The following PDE1C variants were observed in gnomAD, a reference collection of about 807,000 sequenced individuals.
PDE1C encodes dual specificity calcium/calmodulin-dependent 3',5'-cyclic nucleotide phosphodiesterase 1C.
Under a neutral mutation model 93.1 loss-of-function variants are expected in PDE1C, and 62 were observed. That is an observed-to-expected ratio of 0.67 (90% CI 0.54 to 0.82). PDE1C has a LOEUF of 0.82. PDE1C is among the 40% of genes least tolerant of loss of function. The probability of loss-of-function intolerance (pLI) is 0.00; values close to 1 mark genes in which losing one functional copy is unlikely to be tolerated. For missense variants in PDE1C, 742 were observed against 884.6 expected (o/e 0.84, Z 2.04); for synonymous variants, 325 against 310.1 (o/e 1.05, Z -0.50).
chr7:32,386,106 T>C (rs1268273758), intron 1 of PDE1C, among the ~76,000 whole-genome samples: 1 of 136,044 alleles, frequency 7.4e-6, no homozygotes, highest in East Asian at 2.0e-4. Context: ...TTTTTTTTTT[T>C]TCCAGAAACA....
intron 17 of PDE1C, among the ~76,000 whole-genome samples, chr7:31,764,219 C>T (rs548174362): frequency 4.3e-4 from 65 of 152,192 alleles, no homozygotes; most frequent in African/African-American, 1.4e-4. Context: ...GGCACAATCT[C>T]GGCTCACTGC....
the PDE1C span, among the ~76,000 whole-genome samples, chr7:31,627,085 A>G: frequency 6.6e-6 from 1 of 152,212 alleles, no homozygotes; most frequent in Non-Finnish European, 1.5e-5. Flanking sequence ...AAGTACTCCT[A>G]GTGTTTTCCA....
intron 1 of PDE1C, among the ~76,000 whole-genome samples, chr7:32,251,148 A>G (rs970248846): frequency 6.6e-6 from 1 of 152,226 alleles, no homozygotes; most frequent in Non-Finnish European, 1.5e-5. Context: ...CTGTCACACT[A>G]TCCCTGTTCC....
chr7:31,979,088 T>C (rs1052937163), intron 2 of PDE1C, among the ~76,000 whole-genome samples: 1 of 152,214 alleles, frequency 6.6e-6, no homozygotes, highest in Non-Finnish European at 1.5e-5. Context: ...CATTTATGGC[T>C]GATATCATTA....
At chr7:31,724,881 G>A in the PDE1C span, among the ~76,000 whole-genome samples, 11 of 152,118 alleles carry the variant, frequency 7.2e-5, no homozygotes, top group African/African-American at 2.2e-4. Context: ...GTCTTATATC[G>A]GTGAATTAGC....
chr7:32,294,444 A>G (rs1364757590), intron 1 of PDE1C, among the ~76,000 whole-genome samples: 1 of 152,184 alleles, frequency 6.6e-6, no homozygotes, highest in African/African-American at 2.4e-5. Context: ...TCCTTCTGAC[A>G]CCATGCAGGT....
the PDE1C span, chr7:31,643,206 T>G: frequency 2.5e-6 from 4 of 1,613,974 alleles, no homozygotes; most frequent in Non-Finnish European, 3.4e-6. Flanking sequence ...TCCTTCATGT[T>G]GACTCTGAGG....
At chr7:32,225,915 G>T (rs371681532) in intron 1 of PDE1C, among the ~76,000 whole-genome samples, 18 of 152,002 alleles carry the variant, frequency 1.2e-4, no homozygotes, top group African/African-American at 4.4e-4. Flanking sequence ...AAAATTAGCC[G>T]GGCATGGTGG....
At chr7:32,407,587 A>C (rs1785081161) in intron 1 of PDE1C, among the ~76,000 whole-genome samples, 1 of 152,174 alleles carries the variant, frequency 6.6e-6, no homozygotes, top group Non-Finnish European at 1.5e-5. Flanking sequence ...AGAGGGGTAC[A>C]TGTGAGAATG....
At chr7:32,091,544 G>T (rs1188102623) in intron 3 of PDE1C, among the ~76,000 whole-genome samples, 1 of 152,126 alleles carries the variant, frequency 6.6e-6, no homozygotes, top group Non-Finnish European at 1.5e-5. Flanking sequence ...AGTCAGGAAG[G>T]GGCAACAGCC....
chr7:31,624,861 G>T, the PDE1C span, among the ~76,000 whole-genome samples: 2 of 152,084 alleles, frequency 1.3e-5, no homozygotes, highest in Non-Finnish European at 2.9e-5. Flanking sequence ...AAAAATTTTC[G>T]CAACCTATTC....
the PDE1C span, among the ~76,000 whole-genome samples, chr7:31,717,714 A>G: frequency 1.3e-5 from 2 of 152,234 alleles, no homozygotes; most frequent in East Asian, 1.9e-4. Flanking sequence ...GGAGCTAGAT[A>G]TGCCTAAGGC....
At chr7:31,771,907 G>A (rs1471803704) in intron 17 of PDE1C, among the ~76,000 whole-genome samples, 5 of 151,980 alleles carry the variant, frequency 3.3e-5, no homozygotes, top group African/African-American at 7.3e-5. Context: ...TTAGCTGGGC[G>A]TGGTGGTGGG....
intron 1 of PDE1C, among the ~76,000 whole-genome samples, chr7:32,421,000 T>C (rs1785420590): frequency 6.6e-6 from 1 of 152,034 alleles, no homozygotes; most frequent in Non-Finnish European, 1.5e-5. Context: ...AGCAAGTCAC[T>C]TGGACTCTCA....
intron 2 of PDE1C, among the ~76,000 whole-genome samples, chr7:32,200,555 A>T (rs758095029): frequency 2.0e-5 from 3 of 152,220 alleles, no homozygotes; most frequent in Non-Finnish European, 4.4e-5. Context: ...GTAACAGATC[A>T]CACCAAACTT....
chr7:31,946,252 A>G (rs560975506), intron 2 of PDE1C, among the ~76,000 whole-genome samples: 1 of 152,262 alleles, frequency 6.6e-6, no homozygotes, highest in Middle Eastern at 3.4e-3. Context: ...TGCATCTCTG[A>G]CATAATGTAA....
At chr7:31,829,448 C>T (rs1790102892) in intron 11 of PDE1C, among the ~76,000 whole-genome samples, 1 of 152,076 alleles carries the variant, frequency 6.6e-6, no homozygotes. Flanking sequence ...TAAGTACTGT[C>T]AATAAATTAA....
chr7:32,403,856 G>A (rs1305745242), intron 1 of PDE1C, among the ~76,000 whole-genome samples: 1 of 152,138 alleles, frequency 6.6e-6, no homozygotes, highest in East Asian at 1.9e-4. Flanking sequence ...GGGGAGGAGT[G>A]ACAAAATATA....
chr7:32,397,257 AG>A (rs1784854350), intron 1 of PDE1C, among the ~76,000 whole-genome samples: 1 of 152,238 alleles, frequency 6.6e-6, no homozygotes, highest in Admixed American at 6.5e-5. Context: ...AAAAATTGAG[AG>A]GGACTAATGC....
Sources: allele counts gnomAD v4.1 joint callset (sites outside exome capture counted in the v4.1 genomes callset), GRCh38; gene constraint gnomAD v4.1.1; transcripts MANE v1.5; gene names NCBI Gene and HGNC (gene_info 2026-07-23, HGNC 2026-07-21).